Variants in CD82 observed in about 807,000 individuals in gnomAD.
The protein encoded by CD82 is CD82 antigen.
In CD82, 36 loss-of-function variants were observed where a neutral mutation model predicts 37.4. The ratio of observed to expected loss-of-function variants is 0.96; its 90% CI spans 0.74 to 1.27. The LOEUF (loss-of-function observed/expected upper bound fraction) is 1.27, where lower values mean the gene tolerates loss of function less well. CD82 is among the 50% of genes most tolerant of loss of function. The pLI is 0.00. For synonymous variants in CD82, 158 were observed against 137.4 expected (o/e 1.15, Z -1.05); for missense variants, 340 against 347.0 (o/e 0.98, Z 0.16).
In CD82 at chr11:44,567,539, G is replaced by A. The variant is rs1852753993; in HGVS notation, c.-103+1803G>A. Among the ~76,000 whole-genome samples the A allele has an allele frequency of 3.3e-5, 5 of 152,078 alleles. No homozygotes were observed. In the South Asian group the frequency reaches 1.0e-3, roughly 32 times the overall value. ...TCCTGGTTTGGCTTGGATCAACATG[G>A]GACCACAGTCTCTTCAAGCACTGAA... On this transcript the variant is annotated intron_variant, in intron 1 of 9. Transcript: ENST00000227155.
intron 1 of CD82, among the ~76,000 whole-genome samples, chr11:44,578,005 C>G (rs535149090): frequency 7.2e-5 from 11 of 152,298 alleles, no homozygotes; most frequent in African/African-American, 2.4e-4. Flanking sequence ...TTACTAACCC[C>G]CCTGAGCCTC....
In CD82 at chr11:44,619,040, T is replaced by A. The variant is rs779803792; in HGVS notation, c.727-9T>A. ...CAGCCTCCCTCTGACTCTCCGCCTC[T>A]CCCCACAGCTCCTGGGGATGGTCCT... On this transcript the variant is annotated splice_polypyrimidine_tract_variant and intron_variant, in intron 9 of 9. Transcript: ENST00000227155. 1.9e-6 allele frequency: 3 copies of A among 1,613,254 alleles called. No individual in the cohort carries two copies. The South Asian group carries it at 3.3e-5, about 18-fold the overall frequency.
At position 44,618,623 on chromosome 11, in the gene CD82, G is replaced by A. The variant is rs575112343; in HGVS notation, c.643-17G>A. ...TGGTGCAGAGCGGGGTGATGTGACCGCATTCTGCCCTTGCAGGGCTGCATG... is the reference window on the plus strand; with the variant it reads ...TGGTGCAGAGCGGGGTGATGTGACCACATTCTGCCCTTGCAGGGCTGCATG... On this transcript the variant is annotated splice_polypyrimidine_tract_variant and intron_variant, in intron 8 of 9. Transcript: ENST00000227155. The A allele has an allele frequency of 4.4e-5, 70 of 1,598,284 alleles. No homozygotes were observed. Among genetic ancestry groups the A allele is most frequent in the Middle Eastern group, 1.7e-4 (1 of 6,028 alleles).
intron 3 of CD82, 86 bp downstream of exon 3, chr11:44,594,811 C>T (rs796833348): frequency 5.0e-5 from 57 of 1,137,434 alleles, no homozygotes; most frequent in East Asian, 4.0e-4. Context: ...CAGAGCCGAC[C>T]GGGCCGGGGA....
chr11:44,566,152 T>G (rs1852731751), intron 1 of CD82: 1 of 152,220 alleles, frequency 6.6e-6, no homozygotes, highest in African/African-American at 2.4e-5. Flanking sequence ...GAGAAGCGAA[T>G]TGCTTTAAAG....
chr11:44,571,070 G>A (rs2134614614), intron 1 of CD82, among the ~76,000 whole-genome samples: 1 of 152,286 alleles, frequency 6.6e-6, no homozygotes, highest in South Asian at 2.1e-4. Context: ...AGGGTGATCT[G>A]GTGTGGGAGT....
rs79770020 is a variant in CD82, at chr11:44,574,212, G to A, written c.-103+8476G>A. 2.5e-3 allele frequency among the ~76,000 whole-genome samples: 379 copies of A among 152,312 alleles called. 3 individuals are homozygous for A. Among genetic ancestry groups the A allele is most frequent in the African/African-American group, 8.8e-3 (366 of 41,538 alleles). ...GCAAAGTTGAGGGCTTACGTCTAGA[G>A]TCACAGGATCTTGGTGTTGTGAGAA... On this transcript the variant is annotated intron_variant, in intron 1 of 9. Transcript: ENST00000227155.
Position 44,576,541 on chromosome 11 carries a change from G to A in CD82, c.-103+10805G>A, listed in dbSNP as rs559622426. ...AGCCTCTGCCCCACCCGCCATCCAC[G>A]CAGAGACGGTCAGCCCAAGGGTCAA... On this transcript the variant is annotated intron_variant, in intron 1 of 9. Transcript: ENST00000227155. Among the ~76,000 whole-genome samples the A allele has an allele frequency of 2.6e-5, 4 of 152,250 alleles. No homozygotes were observed. The East Asian group carries it at 7.7e-4, about 29-fold the overall frequency.
At chr11:44,591,254 C>T (rs1339418295) in intron 2 of CD82, among the ~76,000 whole-genome samples, 37 of 152,170 alleles carry the variant, frequency 2.4e-4, no homozygotes, top group Admixed American at 2.4e-3. Context: ...CAGCCTGGGC[C>T]CTGTCCTTGC....
At chr11:44,602,997 A>T (rs899705551) in intron 4 of CD82, among the ~76,000 whole-genome samples, 1 of 152,146 alleles carries the variant, frequency 6.6e-6, no homozygotes, top group African/African-American at 2.4e-5. Context: ...ATTAGGCAGG[A>T]TGCTTTGGAT....
intron 1 of CD82, among the ~76,000 whole-genome samples, chr11:44,581,791 C>T (rs191751908): frequency 1.5e-3 from 231 of 152,304 alleles, no homozygotes; most frequent in Non-Finnish European, 3.0e-3. Flanking sequence ...GGAGAGGGTG[C>T]GGTTCCCTAT....
intron 1 of CD82, among the ~76,000 whole-genome samples, chr11:44,584,985 C>T (rs1011748664): frequency 9.2e-5 from 14 of 152,166 alleles, no homozygotes; most frequent in African/African-American, 3.4e-4. Context: ...ACTTTCTGCC[C>T]GACTGGGCAG....
chr11:44,575,699 C>T (rs1264817788), intron 1 of CD82, among the ~76,000 whole-genome samples: 1 of 152,102 alleles, frequency 6.6e-6, no homozygotes, highest in African/African-American at 2.4e-5. Context: ...GGAACCTTGT[C>T]CTGTTTAATA....
In CD82 at chr11:44,618,625, A is replaced by G. The variant is rs750718911; in HGVS notation, c.643-15A>G. The stretch of plus-strand genomic sequence containing the variant: ...GTGCAGAGCGGGGTGATGTGACCGC[A>G]TTCTGCCCTTGCAGGGCTGCATGGA... On this transcript the variant is annotated splice_polypyrimidine_tract_variant and intron_variant, in intron 8 of 9. Coordinates refer to ENST00000227155, the MANE Select transcript of CD82 (RefSeq NM_002231.4). 2.1e-5 allele frequency: 34 copies of G among 1,603,990 alleles called. No homozygotes were observed. The highest frequency in any genetic ancestry group is 2.7e-5 in the Non-Finnish European group (32 of 1,175,530).
chr11:44,618,807 G>T, intron 9 of CD82, 84 bp downstream of exon 9: 1 of 1,176,060 alleles, frequency 8.5e-7, no homozygotes. Flanking sequence ...GGGAGGTGGT[G>T]GCCAAGGGGG....
At chr11:44,587,875 G>C (rs1853079945) in intron 2 of CD82, 1 of 296,560 alleles carries the variant, frequency 3.4e-6, no homozygotes, top group Admixed American at 4.0e-5. Context: ...GTGGAACTCA[G>C]ACTGCCTTCA....
At chr11:44,604,802 C>T (rs897198619) in intron 4 of CD82, 16 of 532,704 alleles carry the variant, frequency 3.0e-5, no homozygotes, top group Non-Finnish European at 4.7e-5. Flanking sequence ...TCCTGAGAAG[C>T]CTTACGAAGT....
intron 1 of CD82, chr11:44,587,226 A>G (rs1853068538): frequency 2.9e-6 from 1 of 348,038 alleles, no homozygotes; most frequent in Non-Finnish European, 5.7e-6. Context: ...ACGGGAAAAG[A>G]GTAATTCTGG....
At chr11:44,612,734 G>A (rs1480242457) in intron 6 of CD82, among the ~76,000 whole-genome samples, 1 of 143,128 alleles carries the variant, frequency 7.0e-6, no homozygotes, top group African/African-American at 2.6e-5. Flanking sequence ...TCGGGTTCAA[G>A]CGATTCTTCT....
Sources: allele counts gnomAD v4.1 joint callset (sites outside exome capture counted in the v4.1 genomes callset), GRCh38; gene constraint gnomAD v4.1.1; transcripts MANE v1.5; gene names NCBI Gene and HGNC (gene_info 2026-07-23, HGNC 2026-07-21).